Variants in ZNF563 observed in about 807,000 individuals in gnomAD.
ZNF563 encodes zinc finger protein 563.
In ZNF563, 39 loss-of-function variants were observed where a neutral mutation model predicts 48.5. That is an observed-to-expected ratio of 0.80 (90% CI 0.62 to 1.05). The LOEUF is 1.05. Ranked by LOEUF, ZNF563 falls within the 50% of genes least tolerant of loss-of-function variation. The probability of loss-of-function intolerance (pLI) is 0.00; values close to 1 mark genes in which losing one functional copy is unlikely to be tolerated. For missense variants in ZNF563, 538 were observed against 597.0 expected (o/e 0.90, Z 1.03); for synonymous variants, 168 against 187.9 (o/e 0.89, Z 0.87).
chr19:12,333,526 G>A lies in ZNF563; in HGVS notation c.-44C>T, dbSNP rs370468601. 6 of 1,611,604 alleles carry A rather than the reference G, an allele frequency of 3.7e-6. No homozygotes were observed. Among genetic ancestry groups the A allele is most frequent in the African/African-American group, 2.7e-5 (2 of 74,862 alleles). ...TTCCAGGGTCCTCCCTCTGCCTCCC[G>A]CTGCCAGTGCGGGTCCCACTGTGAC... On this transcript the variant is annotated 5_prime_UTR_variant, in exon 1 of 4. Transcript: ENST00000293725.
At position 12,319,479 on chromosome 19, in the gene ZNF563, T is replaced by C; in HGVS notation, c.546A>G (p.Arg182=). 1 of 1,614,228 alleles carries C rather than the reference T, an allele frequency of 6.2e-7. No homozygotes were observed. Among genetic ancestry groups the C allele is most frequent in the Non-Finnish European group, 8.5e-7 (1 of 1,180,040 alleles). The change falls in exon 4 of 4, where the codon AGA becomes AGG. Residue 182 remains arginine (R), a synonymous_variant. Transcript: ENST00000293725. ...KECGKTFSSR[R]NLRRHMVVQG... Reference sequence around the variant, plus strand: ...GCACTACCATGTGTCTTCGAAGGTTTCTACGAGAACTGAAGGTTTTTCCAC... The same window carrying C: ...GCACTACCATGTGTCTTCGAAGGTTCCTACGAGAACTGAAGGTTTTTCCAC...
Position 12,317,685 on chromosome 19 carries a change from C to T in ZNF563, c.*909G>A, listed in dbSNP as rs1968471503. The T allele has an allele frequency of 6.6e-6, 1 of 152,146 alleles. No individual in the cohort carries two copies. 9.4% of individuals were successfully genotyped at this position (152,146 alleles called of 1,614,324 possible). A position where few individuals can be genotyped will look rare whatever the true frequency, so the allele number is the denominator to read the frequency against. On this transcript the variant is annotated 3_prime_UTR_variant, in exon 4 of 4. Transcript: ENST00000293725. The stretch of plus-strand genomic sequence containing the variant: ...CAAATATGTCATTTTTAAAAAAGGA[C>T]TTGGCATGTGTCGATTTATGTATGC...
chr19:12,333,241 G>A (rs1182612608), intron 1 of ZNF563, among the ~76,000 whole-genome samples: 1 of 152,208 alleles, frequency 6.6e-6, no homozygotes, highest in Non-Finnish European at 1.5e-5. Context: ...TGCCCAGACA[G>A]GGCTCCGAGG....
At chr19:12,339,219 G>A in the ZNF563 span, among the ~76,000 whole-genome samples, 1 of 151,082 alleles carries the variant, frequency 6.6e-6, no homozygotes, top group South Asian at 2.1e-4. Flanking sequence ...AAACTTGGTG[G>A]TTATACTGGC....
intron 3 of ZNF563, among the ~76,000 whole-genome samples, chr19:12,320,670 T>G (rs1402842968): frequency 1.3e-5 from 2 of 152,042 alleles, no homozygotes; most frequent in African/African-American, 4.8e-5. Flanking sequence ...CAGCTAACTT[T>G]TGTACTTTTG....
intron 1 of ZNF563, among the ~76,000 whole-genome samples, chr19:12,326,908 T>C (rs1429165245): frequency 1.3e-5 from 2 of 152,172 alleles, no homozygotes; most frequent in East Asian, 3.8e-4. Flanking sequence ...GTATCAACAA[T>C]GTATTGGGTG....
At chr19:12,337,526 A>G (rs1268698747), upstream of ZNF563, among the ~76,000 whole-genome samples, 1 of 152,132 alleles carries the variant, frequency 6.6e-6, no homozygotes, top group Non-Finnish European at 1.5e-5. Context: ...TTCTGGAAAA[A>G]GGCTTTTAAA....
the ZNF563 span, among the ~76,000 whole-genome samples, chr19:12,344,310 C>T: frequency 6.7e-6 from 1 of 150,150 alleles, no homozygotes; most frequent in Admixed American, 6.7e-5. Flanking sequence ...GGAGTATCAC[C>T]TGAGCCCGCA....
chr19:12,337,766 G>C (rs1391144584), upstream of ZNF563, among the ~76,000 whole-genome samples: 1 of 152,140 alleles, frequency 6.6e-6, no homozygotes, highest in Non-Finnish European at 1.5e-5. Flanking sequence ...GAAGAACCCT[G>C]AGAAGGTGAC....
chr19:12,318,556 G>C lies in ZNF563; in HGVS notation c.*38C>G. Reference sequence around the variant, plus strand: ...TGTAAGTTTATTCATGATATCAAAGGGAACTGGAAATATAGAAGGCTTTAT... The same window carrying C: ...TGTAAGTTTATTCATGATATCAAAGCGAACTGGAAATATAGAAGGCTTTAT... On this transcript the variant is annotated 3_prime_UTR_variant, in exon 4 of 4. Transcript: ENST00000293725. 6.4e-7 allele frequency: 1 copy of C among 1,570,008 alleles called. No homozygotes were observed. Among genetic ancestry groups the C allele is most frequent in the Non-Finnish European group, 8.6e-7 (1 of 1,157,916 alleles).
chr19:12,326,678 T>C (rs1049954167), intron 1 of ZNF563, among the ~76,000 whole-genome samples: 1 of 151,382 alleles, frequency 6.6e-6, no homozygotes, highest in South Asian at 2.1e-4. Flanking sequence ...GATAAAACAA[T>C]TGAATCTACC....
chr19:12,337,403 C>T (rs966225426), upstream of ZNF563, among the ~76,000 whole-genome samples: 1 of 152,014 alleles, frequency 6.6e-6, no homozygotes, highest in South Asian at 2.1e-4. Context: ...AGGGTTTCAC[C>T]ACGTTGGCCA....
At chr19:12,345,578 CTT>C in the ZNF563 span, among the ~76,000 whole-genome samples, 2 of 152,094 alleles carry the variant, frequency 1.3e-5, no homozygotes, top group Non-Finnish European at 2.9e-5. Context: ...TAAATAGTAA[CTT>C]ATATTTAATC....
intron 1 of ZNF563, among the ~76,000 whole-genome samples, chr19:12,332,980 A>T (rs1968959970): frequency 2.0e-5 from 3 of 152,220 alleles, no homozygotes; most frequent in Admixed American, 2.0e-4. Context: ...AAAATCTGGA[A>T]ATCTAGGGAT....
chr19:12,338,021 G>A (rs1969036901), upstream of ZNF563, among the ~76,000 whole-genome samples: 1 of 152,208 alleles, frequency 6.6e-6, no homozygotes. Flanking sequence ...AGGATCACTT[G>A]AGTCTAGGAG....
chr19:12,331,112 G>A (rs1968906398), intron 1 of ZNF563, among the ~76,000 whole-genome samples: 1 of 152,182 alleles, frequency 6.6e-6, no homozygotes, highest in African/African-American at 2.4e-5. Context: ...TTTGTTTTCT[G>A]AAATCCAACT....
upstream of ZNF563, among the ~76,000 whole-genome samples, chr19:12,336,128 T>A (rs904220610): frequency 1.1e-4 from 17 of 152,082 alleles, no homozygotes; most frequent in African/African-American, 3.6e-4. Flanking sequence ...TATAAAGTAG[T>A]GGAAAAAATA....
chr19:12,343,879 C>T, the ZNF563 span, among the ~76,000 whole-genome samples: 5 of 151,768 alleles, frequency 3.3e-5, no homozygotes, highest in South Asian at 1.0e-3. Flanking sequence ...TACAGGCACC[C>T]ACCACCACGC....
chr19:12,339,054 T>C, the ZNF563 span, among the ~76,000 whole-genome samples: 2 of 152,020 alleles, frequency 1.3e-5, no homozygotes, highest in Non-Finnish European at 2.9e-5. Flanking sequence ...GGCAGTGGGG[T>C]CTCTCAGGAG....
Sources: allele counts gnomAD v4.1 joint callset (sites outside exome capture counted in the v4.1 genomes callset), GRCh38; gene constraint gnomAD v4.1.1; transcripts MANE v1.5; gene names NCBI Gene and HGNC (gene_info 2026-07-23, HGNC 2026-07-21).